TMEM116: variants seen among roughly 807,000 people sequenced by gnomAD.
The protein encoded by TMEM116 is transmembrane protein 116.
A neutral mutation model predicts 44.3 loss-of-function variants in TMEM116; 38 were observed. That is an observed-to-expected ratio of 0.86 (90% CI 0.66 to 1.12). The LOEUF (loss-of-function observed/expected upper bound fraction) is 1.12. Among genes scored for constraint, TMEM116 ranks in the 50% most tolerant of loss-of-function variants. The probability of loss-of-function intolerance (pLI) is 0.00; values close to 1 mark genes in which losing one functional copy is unlikely to be tolerated. For synonymous variants in TMEM116, 132 were observed against 144.8 expected (o/e 0.91, Z 0.64); for missense variants, 354 against 401.7 (o/e 0.88, Z 1.01).
intron 6 of TMEM116, among the ~76,000 whole-genome samples, chr12:111,937,493 A>C (rs1358257589): frequency 6.6e-6 from 1 of 152,218 alleles, no homozygotes; most frequent in Non-Finnish European, 1.5e-5. Context: ...AGTTTCACAG[A>C]GAATCTCTGG....
chr12:111,933,868 T>A lies in TMEM116; in HGVS notation c.733+18A>T, dbSNP rs773043961. ...AACTGCCCTCTTCACTGCCCATCTC[T>A]TCTTGTTAAGTACCTACCTGGGCCC... On this transcript the variant is annotated intron_variant, in intron 9 of 10. Transcript: ENST00000552374. 1 of 1,613,454 alleles carries A rather than the reference T, an allele frequency of 6.2e-7. No individual in the cohort carries two copies. The highest frequency in any genetic ancestry group is 1.1e-5 in the South Asian group (1 of 91,014).
chr12:111,942,402 A>AGCAATCTGCCCCCCTCAGCCTCCCTAACT (rs2072909571), intron 5 of TMEM116, among the ~76,000 whole-genome samples: 1 of 152,012 alleles, frequency 6.6e-6, no homozygotes, highest in Non-Finnish European at 1.5e-5. Context: ...CCTCCTGAGT[A>AGCAATCTGCCCCCCTCAGCCTCCCTAACT]GCTGGGACTA....
intron 4 of TMEM116, among the ~76,000 whole-genome samples, chr12:111,951,106 C>G (rs142735303): frequency 5.3e-5 from 8 of 152,268 alleles, no homozygotes; most frequent in African/African-American, 1.9e-4. Context: ...ACTAGACAAA[C>G]GCAAATCAAA....
At chr12:112,000,274 A>G (rs1429715916) in intron 3 of TMEM116, among the ~76,000 whole-genome samples, 1 of 152,252 alleles carries the variant, frequency 6.6e-6, no homozygotes, top group Non-Finnish European at 1.5e-5. Flanking sequence ...TTTTATGTGT[A>G]GCAATTACTT....
At chr12:112,010,666 G>A (rs1442026075) in intron 1 of TMEM116, 2 of 152,508 alleles carry the variant, frequency 1.3e-5, no homozygotes, top group African/African-American at 2.4e-5. Context: ...TGTCAGCAGG[G>A]AGGGTAGGTC....
intron 3 of TMEM116, chr12:111,993,753 G>A: frequency 1.4e-6 from 1 of 694,092 alleles, no homozygotes; most frequent in Non-Finnish European, 2.8e-6. Context: ...AATGTTCAAA[G>A]ACAGAGGAGC....
At chr12:112,005,522 T>C (rs1337204681) in intron 1 of TMEM116, 5 of 478,660 alleles carry the variant, frequency 1.0e-5, no homozygotes, top group Admixed American at 4.9e-5. Flanking sequence ...GGAAATAGTA[T>C]GATTTTTTAA....
At chr12:111,963,200 T>C (rs750467213) in intron 4 of TMEM116, among the ~76,000 whole-genome samples, 2 of 151,974 alleles carry the variant, frequency 1.3e-5, no homozygotes, top group Non-Finnish European at 2.9e-5. Flanking sequence ...GGAACAGAAA[T>C]AGAAATGCTT....
chr12:111,991,168 A>C (rs536818609), intron 4 of TMEM116, among the ~76,000 whole-genome samples: 1 of 138,024 alleles, frequency 7.2e-6, no homozygotes, highest in Non-Finnish European at 1.6e-5. Flanking sequence ...GCAGTGAGCC[A>C]AGATCGCGCC....
At chr12:112,011,401 C>T (rs1336719098) in intron 1 of TMEM116, 1 of 152,256 alleles carries the variant, frequency 6.6e-6, no homozygotes, top group Non-Finnish European at 1.5e-5. Flanking sequence ...AACTGGTTGT[C>T]CATGATTGGA....
At chr12:112,000,946 G>T in intron 3 of TMEM116, 1 of 388,962 alleles carries the variant, frequency 2.6e-6, no homozygotes, top group South Asian at 1.9e-5. Context: ...CTGACACAGA[G>T]CAGGGCTGCC....
At chr12:111,944,788 GA>G (rs1422116614) in intron 4 of TMEM116, among the ~76,000 whole-genome samples, 1 of 152,124 alleles carries the variant, frequency 6.6e-6, no homozygotes, top group Non-Finnish European at 1.5e-5. Context: ...ACAGGGCCAG[GA>G]ATAGTTTGTT....
chr12:111,996,951 T>G (rs1326961778), intron 3 of TMEM116, among the ~76,000 whole-genome samples: 1 of 152,188 alleles, frequency 6.6e-6, no homozygotes, highest in East Asian at 1.9e-4. Context: ...CATATAGCAT[T>G]ATTCCAATTA....
At chr12:111,945,088 A>G (rs1384765395) in intron 4 of TMEM116, among the ~76,000 whole-genome samples, 1 of 150,970 alleles carries the variant, frequency 6.6e-6, no homozygotes, top group Non-Finnish European at 1.5e-5. Context: ...AAAAAAAAAA[A>G]AAAAAAAGCA....
chr12:112,003,127 C>A (rs1166276256), intron 3 of TMEM116, among the ~76,000 whole-genome samples: 1 of 152,186 alleles, frequency 6.6e-6, no homozygotes, highest in Non-Finnish European at 1.5e-5. Flanking sequence ...ATCTCCTAGT[C>A]CCAGTAGCAA....
At chr12:111,962,026 G>C (rs747842951) in intron 4 of TMEM116, among the ~76,000 whole-genome samples, 18 of 147,450 alleles carry the variant, frequency 1.2e-4, no homozygotes, top group Non-Finnish European at 2.6e-4. Flanking sequence ...TACACCAACA[G>C]CAGACAGAGA....
intron 4 of TMEM116, among the ~76,000 whole-genome samples, chr12:111,990,653 G>T (rs1299313947): frequency 6.6e-6 from 1 of 152,164 alleles, no homozygotes; most frequent in African/African-American, 2.4e-5. Context: ...AGTGAGCATA[G>T]GCTGCATTTA....
chr12:111,972,913 A>G (rs539089494), intron 4 of TMEM116, among the ~76,000 whole-genome samples: 1 of 152,026 alleles, frequency 6.6e-6, no homozygotes, highest in African/African-American at 2.4e-5. Flanking sequence ...GCCAAGGCAG[A>G]TGGATCACGA....
chr12:111,936,474 C>A, intron 8 of TMEM116: 1 of 487,230 alleles, frequency 2.1e-6, no homozygotes, highest in Non-Finnish European at 3.6e-6. Context: ...TAATTTTCAC[C>A]TAATAAATAC....
Sources: gnomAD v4.1 joint callset for allele counts (sites outside exome capture counted in the v4.1 genomes callset) on GRCh38, gnomAD v4.1.1 for gene constraint, MANE v1.5 for transcripts, NCBI Gene and HGNC (gene_info 2026-07-23, HGNC 2026-07-21) for gene names.